The following DRC11 variants were observed in gnomAD, a reference collection of about 807,000 sequenced individuals.
The protein encoded by DRC11 is dynein regulatory complex subunit 11.
the DRC11 span, among the ~76,000 whole-genome samples, chr2:236,309,283 C>G: frequency 6.6e-6 from 1 of 152,186 alleles, no homozygotes; most frequent in Non-Finnish European, 1.5e-5. This position sits in a 1 kb window ranked among gnomAD's most constrained non-coding sequence, Gnocchi z 5.7. Context: ...GCTACTGGAG[C>G]CTTGCACAAA....
At chr2:236,365,878 C>A in the DRC11 span, among the ~76,000 whole-genome samples, 1 of 152,284 alleles carries the variant, frequency 6.6e-6, no homozygotes, top group East Asian at 1.9e-4. This position sits in a 1 kb window ranked among gnomAD's most constrained non-coding sequence, Gnocchi z 7.4. Flanking sequence ...CCAAGAGACA[C>A]AGTATGGTTC....
chr2:236,367,759 C>A, the DRC11 span: 1 of 187,674 alleles, frequency 5.3e-6, no homozygotes. The surrounding 1 kb of genome is among the most constrained non-coding windows in gnomAD (Gnocchi z 4.8). Context: ...TGAAAACTGG[C>A]AGGGCCTTAA....
the DRC11 span, among the ~76,000 whole-genome samples, chr2:236,313,298 A>T: frequency 3.9e-5 from 6 of 152,228 alleles, no homozygotes; most frequent in Non-Finnish European, 8.8e-5. This position sits in a 1 kb window ranked among gnomAD's most constrained non-coding sequence, Gnocchi z 4.5. Flanking sequence ...ATATACCAAA[A>T]AAATACACTA....
chr2:236,424,689 C>A, the DRC11 span, among the ~76,000 whole-genome samples: 1 of 150,288 alleles, frequency 6.7e-6, no homozygotes, highest in Non-Finnish European at 1.5e-5. Flanking sequence ...ATTCTCTTAG[C>A]AATTAAAAAT....
At chr2:236,474,801 A>C in the DRC11 span, among the ~76,000 whole-genome samples, 14 of 152,100 alleles carry the variant, frequency 9.2e-5, no homozygotes, top group Admixed American at 6.6e-4. Context: ...ATTTAATATT[A>C]CTTTTTTTGT....
chr2:236,479,427 T>C, the DRC11 span, among the ~76,000 whole-genome samples: 1 of 152,206 alleles, frequency 6.6e-6, no homozygotes, highest in Non-Finnish European at 1.5e-5. The surrounding 1 kb of genome is among the most constrained non-coding windows in gnomAD (Gnocchi z 4.1). Flanking sequence ...TTTCTTATAC[T>C]CTTCCTTTGT....
At chr2:236,384,510 T>C in the DRC11 span, among the ~76,000 whole-genome samples, 11 of 152,192 alleles carry the variant, frequency 7.2e-5, no homozygotes, top group African/African-American at 2.7e-4. Flanking sequence ...TTTGATGGGG[T>C]CTTTTTTTCT....
At chr2:236,489,066 G>A in the DRC11 span, among the ~76,000 whole-genome samples, 16 of 148,652 alleles carry the variant, frequency 1.1e-4, no homozygotes, top group African/African-American at 3.0e-4. Context: ...TATGGGCTCC[G>A]GGTGCATGCT....
At chr2:236,468,293 T>C in the DRC11 span, among the ~76,000 whole-genome samples, 1 of 152,160 alleles carries the variant, frequency 6.6e-6, no homozygotes, top group Non-Finnish European at 1.5e-5. Context: ...GGTCTTGCCA[T>C]GTTGCCTAGG....
chr2:236,359,414 C>A, the DRC11 span, among the ~76,000 whole-genome samples: 146 of 152,272 alleles, frequency 9.6e-4, no homozygotes, highest in Non-Finnish European at 1.8e-3. The surrounding 1 kb of genome is among the most constrained non-coding windows in gnomAD (Gnocchi z 4.3). Context: ...ATTTTCCCTG[C>A]GTGCTTCCAC....
chr2:236,357,695 ATC>A, the DRC11 span, among the ~76,000 whole-genome samples: 1 of 87,582 alleles, frequency 1.1e-5, no homozygotes, highest in South Asian at 3.2e-4. Flanking sequence ...ATATGTAAAT[ATC>A]TGATATGTAA....
the DRC11 span, among the ~76,000 whole-genome samples, chr2:236,449,308 A>C: frequency 2.0e-5 from 3 of 152,176 alleles, no homozygotes; most frequent in Non-Finnish European, 4.4e-5. This position sits in a 1 kb window ranked among gnomAD's most constrained non-coding sequence, Gnocchi z 5.1. Context: ...TCTGTTTTAA[A>C]AGGATCACTC....
At chr2:236,341,856 AG>A in the DRC11 span, among the ~76,000 whole-genome samples, 1 of 152,220 alleles carries the variant, frequency 6.6e-6, no homozygotes, top group Non-Finnish European at 1.5e-5. Flanking sequence ...TTTGTGTCAC[AG>A]GGAAAACAAT....
the DRC11 span, among the ~76,000 whole-genome samples, chr2:236,489,754 C>A: frequency 0.16 from 23,844 of 152,000 alleles, 2,215 homozygotes; most frequent in Non-Finnish European, 0.21. Context: ...GAGACCCCGT[C>A]TCTAAAAAAA....
chr2:236,407,585 TAC>T, the DRC11 span, among the ~76,000 whole-genome samples: 99 of 152,134 alleles, frequency 6.5e-4, 1 homozygote, highest in African/African-American at 2.3e-3. Context: ...TATCTATATA[TAC>T]ACACACACAC....
At chr2:236,455,935 T>C in the DRC11 span, among the ~76,000 whole-genome samples, 2 of 152,046 alleles carry the variant, frequency 1.3e-5, no homozygotes, top group African/African-American at 4.8e-5. The surrounding 1 kb of genome is among the most constrained non-coding windows in gnomAD (Gnocchi z 5.7). Flanking sequence ...CTCAGCTGCA[T>C]GCCCACCCCC....
At chr2:236,332,004 T>A in the DRC11 span, 2 of 165,330 alleles carry the variant, frequency 1.2e-5, 1 homozygote, top group African/African-American at 4.8e-5. This position sits in a 1 kb window ranked among gnomAD's most constrained non-coding sequence, Gnocchi z 5.1. Flanking sequence ...GTTTAACTTT[T>A]TTTTTAGATA....
At chr2:236,314,879 T>G in the DRC11 span, among the ~76,000 whole-genome samples, 3 of 152,228 alleles carry the variant, frequency 2.0e-5, no homozygotes, top group African/African-American at 7.2e-5. The surrounding 1 kb of genome is among the most constrained non-coding windows in gnomAD (Gnocchi z 4.5). Flanking sequence ...TCTTCTCAAA[T>G]TGATCTATAG....
At chr2:236,437,556 C>A in the DRC11 span, among the ~76,000 whole-genome samples, 2 of 150,768 alleles carry the variant, frequency 1.3e-5, no homozygotes, top group African/African-American at 2.4e-5. Context: ...ACAGTCCCAC[C>A]AACAGTGTAA....
Sources: gnomAD v4.1 joint callset for allele counts (sites outside exome capture counted in the v4.1 genomes callset) on GRCh38, gnomAD v4.1.1 for gene constraint, Gnocchi (gnomAD v3.1) non-coding constraint, MANE v1.5 for transcripts, NCBI Gene and HGNC (gene_info 2026-07-23, HGNC 2026-07-21) for gene names.